Variants in PLXDC2 observed in about 807,000 individuals in gnomAD.
PLXDC2 encodes plexin domain-containing protein 2.
In PLXDC2, 40 loss-of-function variants were observed where a neutral mutation model predicts 68.9. That is an observed-to-expected ratio of 0.58 (90% CI 0.45 to 0.76). The LOEUF (loss-of-function observed/expected upper bound fraction) is 0.76, where lower values mean the gene tolerates loss of function less well. Ranked by LOEUF, PLXDC2 falls within the 30% of genes least tolerant of loss-of-function variation. The probability of loss-of-function intolerance (pLI) is 0.00; values close to 1 mark genes in which losing one functional copy is unlikely to be tolerated. For missense variants in PLXDC2, 644 were observed against 661.9 expected (o/e 0.97, Z 0.30); for synonymous variants, 243 against 234.2 (o/e 1.04, Z -0.34).
At chr10:20,157,087 G>C (rs1702880069) in intron 6 of PLXDC2, among the ~76,000 whole-genome samples, 1 of 152,160 alleles carries the variant, frequency 6.6e-6, no homozygotes, top group African/African-American at 2.4e-5. Flanking sequence ...AATAATAAAA[G>C]AGATCATGAC....
intron 5 of PLXDC2, 28 bp from the exon 6 acceptor site, chr10:20,147,756 A>T: frequency 7.2e-7 from 1 of 1,386,562 alleles, no homozygotes; most frequent in Non-Finnish European, 1.0e-6. Context: ...TTCTCATTGC[A>T]TTTCTTCTTT....
chr10:20,089,413 A>T (rs1379648656), intron 4 of PLXDC2, among the ~76,000 whole-genome samples: 1 of 152,152 alleles, frequency 6.6e-6, no homozygotes, highest in Non-Finnish European at 1.5e-5. Context: ...GGTAAACTGC[A>T]CACATGTGTT....
chr10:19,943,827 T>C (rs1293382355), intron 1 of PLXDC2, among the ~76,000 whole-genome samples: 3 of 152,214 alleles, frequency 2.0e-5, no homozygotes, highest in Admixed American at 6.5e-5. Context: ...TTCAGTGACT[T>C]GTCTACTTGA....
intron 2 of PLXDC2, among the ~76,000 whole-genome samples, chr10:20,016,139 G>C (rs1004491176): frequency 6.6e-6 from 1 of 152,190 alleles, no homozygotes; most frequent in African/African-American, 2.4e-5. Context: ...ACCAAGTCTG[G>C]GGAAAATCTA....
rs558751470 is a variant in PLXDC2 at position 19,880,215 on chromosome 10, G to T, written c.112+63024G>T. Among the ~76,000 whole-genome samples the T allele has an allele frequency of 3.3e-5, 5 of 152,274 alleles. No individual in the cohort carries two copies. In the East Asian group the frequency reaches 7.7e-4, roughly 24 times the overall value. On this transcript the variant is annotated intron_variant, in intron 1 of 13. Transcript: ENST00000377252. Reference sequence around the variant, plus strand: ...AAAAATCATTTTCTATTTAGAATCAGTGAGACAAAAACCCTATTATACTTT... The same window carrying T: ...AAAAATCATTTTCTATTTAGAATCATTGAGACAAAAACCCTATTATACTTT...
chr10:19,883,155 G>A (rs1450987507), intron 1 of PLXDC2, among the ~76,000 whole-genome samples: 2 of 151,750 alleles, frequency 1.3e-5, no homozygotes, highest in African/African-American at 2.4e-5. Flanking sequence ...GTAGAGATGG[G>A]GTTTCACTGT....
chr10:19,947,655 G>A (rs1416195095), intron 1 of PLXDC2, among the ~76,000 whole-genome samples: 1 of 149,502 alleles, frequency 6.7e-6, no homozygotes, highest in Non-Finnish European at 1.5e-5. Flanking sequence ...ACCTCAGGGT[G>A]ATTTATGTCT....
chr10:19,876,601 C>CAAAAAAAAAAAAAAAAAA (rs61268790), intron 1 of PLXDC2, among the ~76,000 whole-genome samples: 1 of 63,968 alleles, frequency 1.6e-5, no homozygotes, highest in African/African-American at 6.7e-5. Context: ...GATTCCATCT[C>CAAAAAAAAAAAAAAAAAA]AAAAAAAAAA....
chr10:20,019,926 C>T (rs1186160781), intron 2 of PLXDC2, among the ~76,000 whole-genome samples: 3 of 152,088 alleles, frequency 2.0e-5, no homozygotes, highest in Admixed American at 1.3e-4. Flanking sequence ...AACTTCCATC[C>T]GTTGAACACC....
intron 4 of PLXDC2, among the ~76,000 whole-genome samples, chr10:20,094,998 G>T (rs1212635667): frequency 6.6e-6 from 1 of 152,118 alleles, no homozygotes; most frequent in African/African-American, 2.4e-5. Flanking sequence ...AATTAGAAAA[G>T]TCTAATAGAA....
chr10:19,924,194 A>C (rs1315855531), intron 1 of PLXDC2, among the ~76,000 whole-genome samples: 1 of 152,208 alleles, frequency 6.6e-6, no homozygotes, highest in African/African-American at 2.4e-5. Context: ...TCACGGGCTT[A>C]TTCCTGTGAA....
At chr10:19,920,417 G>A (rs914036552) in intron 1 of PLXDC2, among the ~76,000 whole-genome samples, 1 of 152,236 alleles carries the variant, frequency 6.6e-6, no homozygotes, top group Non-Finnish European at 1.5e-5. Context: ...ACACAAAGAT[G>A]GCTGGACATC....
chr10:19,878,112 C>T (rs1379598240), intron 1 of PLXDC2, among the ~76,000 whole-genome samples: 1 of 151,844 alleles, frequency 6.6e-6, no homozygotes, highest in Non-Finnish European at 1.5e-5. Context: ...TATAAATGTA[C>T]TTTTTACAAA....
intron 1 of PLXDC2, among the ~76,000 whole-genome samples, chr10:19,834,430 G>T (rs959057669): frequency 2.0e-5 from 3 of 152,114 alleles, no homozygotes; most frequent in Non-Finnish European, 4.4e-5. Context: ...CCAAAAAGGG[G>T]CTGAGAGAAA....
At chr10:20,054,856 TA>T (rs995725054) in intron 3 of PLXDC2, among the ~76,000 whole-genome samples, 2 of 151,682 alleles carry the variant, frequency 1.3e-5, no homozygotes, top group East Asian at 3.9e-4. Context: ...AGTATAATAA[TA>T]AAAAAAACCA....
intron 1 of PLXDC2, among the ~76,000 whole-genome samples, chr10:19,877,004 A>T (rs1837644651): frequency 6.6e-6 from 1 of 152,234 alleles, no homozygotes; most frequent in African/African-American, 2.4e-5. Flanking sequence ...AAAATATGTG[A>T]TTCTATCTAA....
intron 1 of PLXDC2, among the ~76,000 whole-genome samples, chr10:19,959,700 T>C (rs762284358): frequency 7.2e-5 from 11 of 152,206 alleles, no homozygotes; most frequent in Non-Finnish European, 1.5e-4. Context: ...GTATCACTTA[T>C]AAACTCCTCT....
chr10:20,259,868 A>G (rs1333074016), intron 13 of PLXDC2, among the ~76,000 whole-genome samples: 1 of 152,224 alleles, frequency 6.6e-6, no homozygotes. Context: ...ACAGTGGCCC[A>G]CACTAGGAGA....
At chr10:19,853,720 C>A (rs1301505799) in intron 1 of PLXDC2, among the ~76,000 whole-genome samples, 1 of 151,942 alleles carries the variant, frequency 6.6e-6, no homozygotes, top group African/African-American at 2.4e-5. Context: ...TGAAGAGACA[C>A]AGTAAATGAA....
Sources: allele counts gnomAD v4.1 joint callset (sites outside exome capture counted in the v4.1 genomes callset), GRCh38; gene constraint gnomAD v4.1.1; transcripts MANE v1.5; gene names NCBI Gene and HGNC (gene_info 2026-07-23, HGNC 2026-07-21).